Variants in MKLN1 observed in about 807,000 individuals in gnomAD.
MKLN1 encodes muskelin 1.
A neutral mutation model predicts 99.0 loss-of-function variants in MKLN1; 18 were observed. The observed-to-expected ratio is 0.18, with a 90% CI of 0.13 to 0.27. The LOEUF (loss-of-function observed/expected upper bound fraction) is 0.27, where lower values mean the gene tolerates loss of function less well. MKLN1 is among the 10% of genes least tolerant of loss of function. The pLI is 1.00. For synonymous variants in MKLN1, 288 were observed against 293.2 expected, an observed-to-expected ratio of 0.98 and a Z score of 0.18; for missense variants, 621 against 875.9, an observed-to-expected ratio of 0.71 and a Z score of 3.67.
At chr7:131,111,666 A>G (rs74468706) in intron 1 of MKLN1, among the ~76,000 whole-genome samples, 13 of 152,198 alleles carry the variant, frequency 8.5e-5, no homozygotes, top group Non-Finnish European at 1.9e-4. Flanking sequence ...GAAAAAAAAA[A>G]CATCATCTTG....
intron 13 of MKLN1, among the ~76,000 whole-genome samples, chr7:131,463,707 C>G (rs923419382): frequency 7.2e-5 from 11 of 152,256 alleles, no homozygotes; most frequent in African/African-American, 2.4e-4. Context: ...AGAGGCTTGA[C>G]TATAGCAAGG....
At chr7:131,325,909 GGT>G (rs1469743750), upstream of MKLN1, among the ~76,000 whole-genome samples, 53 of 147,458 alleles carry the variant, frequency 3.6e-4, no homozygotes, top group Non-Finnish European at 6.1e-4. Context: ...GTGGGGGGGG[GGT>G]GGTGGTGAGG....
At chr7:131,394,175 G>C (rs1285655767) in intron 4 of MKLN1, among the ~76,000 whole-genome samples, 1 of 151,958 alleles carries the variant, frequency 6.6e-6, no homozygotes, top group Non-Finnish European at 1.5e-5. Context: ...TTTGAAATGT[G>C]TGTTGTTTAC....
intron 3 of MKLN1, among the ~76,000 whole-genome samples, chr7:131,303,605 A>G (rs1798410163): frequency 6.6e-6 from 1 of 152,238 alleles, no homozygotes; most frequent in East Asian, 1.9e-4. Context: ...GGAAAGTATC[A>G]GAGATTCCAT....
At chr7:131,217,623 G>A (rs1416155184) in intron 3 of MKLN1, among the ~76,000 whole-genome samples, 3 of 152,208 alleles carry the variant, frequency 2.0e-5, no homozygotes, top group Admixed American at 1.3e-4. Flanking sequence ...GCTTGAACCC[G>A]AGAGGCAGGC....
Position 131,399,426 on chromosome 7 carries a change from T to A in MKLN1, c.696T>A (p.Ala232=), listed in dbSNP as rs1237229189. The part of the protein sequence containing the change: ...FDACEELIEK[A]VNDGLFNQYI... ...CTTGCGAAGAGTTGATTGAAAAGGC[T>A]GTAAATGGTATGAAACTTAGATTGG... Residue 232 remains alanine (A), a synonymous_variant, in exon 6 of 18, where the codon GCT becomes GCA. Transcript: ENST00000352689. 1 of 1,613,430 alleles carries A rather than the reference T, an allele frequency of 6.2e-7. No individual in the cohort carries two copies. The highest frequency in any genetic ancestry group is 8.5e-7 in the Non-Finnish European group (1 of 1,179,648).
intron 2 of MKLN1, among the ~76,000 whole-genome samples, chr7:131,161,073 T>C (rs894311485): frequency 1.1e-4 from 16 of 152,096 alleles, no homozygotes; most frequent in African/African-American, 3.9e-4. Context: ...GCCTTCTCCA[T>C]ACAATAGATG....
At chr7:131,478,957 C>A in intron 17 of MKLN1, 1 of 452,972 alleles carries the variant, frequency 2.2e-6, no homozygotes, top group Non-Finnish European at 3.9e-6. Flanking sequence ...TTGTATAGCA[C>A]TGCCTTGGAA....
intron 1 of MKLN1, among the ~76,000 whole-genome samples, chr7:131,339,908 CT>C (rs200340898): frequency 1.8e-4 from 27 of 147,604 alleles, no homozygotes; most frequent in Admixed American, 4.1e-4. Context: ...AATATTCCTA[CT>C]TTTTTTTTTA....
At chr7:131,149,064 A>G (rs993080334) in intron 2 of MKLN1, among the ~76,000 whole-genome samples, 6 of 152,144 alleles carry the variant, frequency 3.9e-5, no homozygotes, top group Non-Finnish European at 7.4e-5. Flanking sequence ...AGAAAAGGTC[A>G]GTGTTGTTTG....
chr7:131,332,747 T>G lies in MKLN1; in HGVS notation c.98+4750T>G, dbSNP rs186452548. On this transcript the variant is annotated intron_variant, in intron 1 of 17. Coordinates refer to ENST00000352689, the MANE Select transcript of MKLN1 (RefSeq NM_013255.5). ...AATACTTCCTTATGTTATTAAATAT[T>G]CTTCTATATTGTATTTTTTTTCTTT... 1.8e-3 allele frequency among the ~76,000 whole-genome samples: 280 copies of G among 152,110 alleles called. 3 individuals carry two copies. The highest frequency in any genetic ancestry group is 6.6e-3 in the African/African-American group (274 of 41,514).
chr7:131,249,550 T>C (rs868306846), intron 3 of MKLN1, among the ~76,000 whole-genome samples: 4 of 152,196 alleles, frequency 2.6e-5, no homozygotes, highest in Admixed American at 2.6e-4. Flanking sequence ...TATTCCTTGT[T>C]CTCAAGGAAC....
In MKLN1 at chr7:131,123,022, CAAAAAAA is replaced by C. The variant is rs59581806; in HGVS notation, c.-419+12836_-419+12842del. On this transcript the variant is annotated intron_variant, in intron 1 of 7. Coordinates refer to the MKLN1 transcript ENST00000416992. ...TGGGCGAAACAGCGAGACTCCGTCTCAAAAAAAAAAAAAAAAAAAAAAAAAAAGTGTT... is the reference window on the plus strand; with the variant it reads ...TGGGCGAAACAGCGAGACTCCGTCTCAAAAAAAAAAAAAAAAAAAAGTGTT... 8.3e-5 allele frequency among the ~76,000 whole-genome samples: 5 copies of C among 60,396 alleles called. No homozygotes were observed. In the South Asian group the frequency reaches 2.2e-3, roughly 27 times the overall value. 39.6% of individuals were successfully genotyped at this position (60,396 alleles called of 152,430 possible). A position where few individuals can be genotyped will look rare whatever the true frequency, so the allele number is the denominator to read the frequency against.
At chr7:131,297,515 C>T (rs759313396) in intron 3 of MKLN1, among the ~76,000 whole-genome samples, 6 of 151,948 alleles carry the variant, frequency 3.9e-5, no homozygotes, top group Non-Finnish European at 8.8e-5. Flanking sequence ...CCGTTCTGTA[C>T]GGACAACTGC....
chr7:131,258,127 AT>A (rs1310252874), intron 3 of MKLN1, among the ~76,000 whole-genome samples: 2 of 130,346 alleles, frequency 1.5e-5, no homozygotes, highest in East Asian at 4.9e-4. Flanking sequence ...TCTCAAAAAA[AT>A]TAAAAAAAAA....
In MKLN1 at chr7:131,173,961, C is replaced by A. The variant is rs1248313802; in HGVS notation, c.-296-28896C>A. On this transcript the variant is annotated intron_variant, in intron 2 of 7. Coordinates refer to the MKLN1 transcript ENST00000416992. ...ACTTTGCTTCTCCAGAGTTTAAAGA[C>A]CTTTTTCTTTTTCTTTTTTTTTTTT... Among the ~76,000 whole-genome samples, 3 of 148,104 alleles carry A rather than the reference C, an allele frequency of 2.0e-5. No individual in the cohort carries two copies. The East Asian group carries it at 5.9e-4, about 29-fold the overall frequency.
chr7:131,294,139 T>C lies in MKLN1; in HGVS notation c.-178-81285T>C, dbSNP rs145866809. ...TGTTAATATCTTGGATCAAAGGCTATGTAAAAGACATTTGGTACGAATGAA... is the reference window on the plus strand; with the variant it reads ...TGTTAATATCTTGGATCAAAGGCTACGTAAAAGACATTTGGTACGAATGAA... On this transcript the variant is annotated intron_variant, in intron 3 of 7. Coordinates refer to the MKLN1 transcript ENST00000416992. Among the ~76,000 whole-genome samples the C allele has an allele frequency of 2.7e-3, 406 of 152,328 alleles. 2 individuals carry two copies. The highest frequency in any genetic ancestry group is 0.01 in the Middle Eastern group (3 of 294).
intron 17 of MKLN1, among the ~76,000 whole-genome samples, chr7:131,485,927 A>T (rs973774715): frequency 3.9e-5 from 6 of 152,088 alleles, no homozygotes; most frequent in Non-Finnish European, 7.4e-5. Context: ...AACTGGTATT[A>T]TTGGGACATC....
intron 3 of MKLN1, among the ~76,000 whole-genome samples, chr7:131,213,021 C>T (rs1192714049): frequency 6.6e-6 from 1 of 151,958 alleles, no homozygotes; most frequent in Admixed American, 6.6e-5. Context: ...ACATTTGAGG[C>T]CCCTTACCTA....
Sources: gnomAD v4.1 joint callset for allele counts (sites outside exome capture counted in the v4.1 genomes callset) on GRCh38, gnomAD v4.1.1 for gene constraint, MANE v1.5 for transcripts, NCBI Gene and HGNC (gene_info 2026-07-23, HGNC 2026-07-21) for gene names.